SPAG16: variants seen among roughly 807,000 people sequenced by gnomAD.
SPAG16 encodes sperm associated antigen 16.
A neutral mutation model predicts 80.4 loss-of-function variants in SPAG16; 86 were observed. The ratio of observed to expected loss-of-function variants is 1.07; its 90% CI spans 0.90 to 1.28. SPAG16 has a LOEUF of 1.28. Among genes scored for constraint, SPAG16 ranks in the 50% most tolerant of loss-of-function variants. The probability of loss-of-function intolerance (pLI) is 0.00; values close to 1 mark genes in which losing one functional copy is unlikely to be tolerated. For missense variants in SPAG16, 870 were observed against 765.3 expected (o/e 1.14, Z -1.61); for synonymous variants, 294 against 265.9 (o/e 1.11, Z -1.03).
At chr2:213,467,128 T>C (rs940672629) in intron 9 of SPAG16, among the ~76,000 whole-genome samples, 1 of 152,104 alleles carries the variant, frequency 6.6e-6, no homozygotes, top group Non-Finnish European at 1.5e-5. Context: ...TATTGGGGTA[T>C]TACAAGGGCT....
chr2:213,721,245 C>A (rs1205302015), intron 10 of SPAG16, among the ~76,000 whole-genome samples: 4 of 151,994 alleles, frequency 2.6e-5, no homozygotes, highest in East Asian at 1.9e-4. Flanking sequence ...ATTAAAGGCA[C>A]CTGCCAACCC....
At chr2:214,068,573 A>G (rs1470551358) in intron 13 of SPAG16, among the ~76,000 whole-genome samples, 1 of 152,180 alleles carries the variant, frequency 6.6e-6, no homozygotes, top group Non-Finnish European at 1.5e-5. Flanking sequence ...ATAAAAATGT[A>G]AAAGAAAAAT....
chr2:213,771,360 T>G (rs2069236649), intron 10 of SPAG16, among the ~76,000 whole-genome samples: 1 of 152,152 alleles, frequency 6.6e-6, no homozygotes, highest in Non-Finnish European at 1.5e-5. Context: ...TAGACATTTA[T>G]CAAATGGTTA....
intron 13 of SPAG16, among the ~76,000 whole-genome samples, chr2:214,015,297 C>T (rs1343409000): frequency 6.6e-6 from 1 of 152,024 alleles, no homozygotes; most frequent in Non-Finnish European, 1.5e-5. Context: ...GTATTGAGGT[C>T]TTTTGAAAGG....
At chr2:213,503,073 A>G (rs1349292725) in intron 10 of SPAG16, among the ~76,000 whole-genome samples, 1 of 152,230 alleles carries the variant, frequency 6.6e-6, no homozygotes, top group Non-Finnish European at 1.5e-5. Flanking sequence ...TCTATATATC[A>G]TGAAAATTTA....
intron 15 of SPAG16, among the ~76,000 whole-genome samples, chr2:214,345,781 C>T (rs1433547678): frequency 1.3e-5 from 2 of 152,090 alleles, no homozygotes; most frequent in Non-Finnish European, 2.9e-5. Context: ...TAACAGGCCA[C>T]TATTATTGAA....
chr2:214,400,024 T>A (rs1181460903), intron 15 of SPAG16, among the ~76,000 whole-genome samples: 2 of 152,078 alleles, frequency 1.3e-5, no homozygotes, highest in Non-Finnish European at 2.9e-5. Context: ...TTAAATAGAT[T>A]CAATAATTAA....
intron 15 of SPAG16, among the ~76,000 whole-genome samples, chr2:214,386,411 A>G (rs145750469): frequency 1.4e-4 from 21 of 152,340 alleles, no homozygotes; most frequent in African/African-American, 5.1e-4. Context: ...GAGAAAAAAG[A>G]AAAAAGCAAA....
intron 11 of SPAG16, among the ~76,000 whole-genome samples, chr2:213,918,832 A>T (rs1163691944): frequency 6.6e-6 from 1 of 151,848 alleles, no homozygotes; most frequent in Admixed American, 6.6e-5. Flanking sequence ...CTGTGCAGGG[A>T]TTCATTTTTT....
At chr2:214,124,741 G>T (rs1306462144) in intron 14 of SPAG16, among the ~76,000 whole-genome samples, 1 of 151,758 alleles carries the variant, frequency 6.6e-6, no homozygotes, top group Non-Finnish European at 1.5e-5. Flanking sequence ...ACCACGGGCA[G>T]AACAAGAGAG....
chr2:213,451,128 C>T (rs2071661747), intron 9 of SPAG16, among the ~76,000 whole-genome samples: 1 of 147,138 alleles, frequency 6.8e-6, no homozygotes, highest in Admixed American at 6.6e-5. Context: ...AACAATTATC[C>T]ACATTGTGAA....
chr2:213,776,832 C>CG (rs919948853), intron 10 of SPAG16, among the ~76,000 whole-genome samples: 7 of 121,368 alleles, frequency 5.8e-5, no homozygotes, highest in African/African-American at 1.9e-4. Context: ...TGCCACCCCC[C>CG]CCCCACCCCA....
At chr2:214,241,888 A>AT (rs1395987113) in intron 15 of SPAG16, among the ~76,000 whole-genome samples, 1 of 124,422 alleles carries the variant, frequency 8.0e-6, no homozygotes, top group East Asian at 2.4e-4. Context: ...TGTAAGTTGT[A>AT]TAAAAAAAAA....
At chr2:214,327,085 G>C (rs1453925301) in intron 15 of SPAG16, among the ~76,000 whole-genome samples, 1 of 151,776 alleles carries the variant, frequency 6.6e-6, no homozygotes, top group Non-Finnish European at 1.5e-5. Context: ...ATAAGATTGT[G>C]AATATCTTTC....
intron 11 of SPAG16, among the ~76,000 whole-genome samples, chr2:213,903,746 T>G (rs1309609980): frequency 6.6e-6 from 1 of 152,204 alleles, no homozygotes; most frequent in Non-Finnish European, 1.5e-5. Context: ...TCTATCACAT[T>G]GTCATTTTTT....
rs544942849 is a variant in SPAG16, at chr2:214,003,797, T to C, written c.1401-10154T>C. Among the ~76,000 whole-genome samples, 20 of 152,306 alleles carry C rather than the reference T, an allele frequency of 1.3e-4. No homozygotes were observed. In the South Asian group the frequency reaches 3.9e-3, roughly 30 times the overall value. On this transcript the variant is annotated intron_variant, in intron 12 of 15. Transcript: ENST00000331683. ...ATGGACCACATAGACAACAGCACTA[T>C]CACTTGTGTGTGAACAAAGCTTACT...
intron 10 of SPAG16, among the ~76,000 whole-genome samples, chr2:213,678,813 T>C (rs1446995856): frequency 1.3e-5 from 2 of 152,292 alleles, no homozygotes; most frequent in Admixed American, 6.5e-5. Flanking sequence ...CAGCTTTACC[T>C]TACCAGAGAC....
chr2:213,742,915 T>A (rs545624080), intron 10 of SPAG16, among the ~76,000 whole-genome samples: 1 of 151,526 alleles, frequency 6.6e-6, no homozygotes, highest in Admixed American at 6.6e-5. Flanking sequence ...CGTATTGTTG[T>A]TTTTTTGAGA....
intron 12 of SPAG16, among the ~76,000 whole-genome samples, chr2:213,991,926 T>G (rs1156547564): frequency 6.6e-6 from 1 of 151,864 alleles, no homozygotes; most frequent in East Asian, 1.9e-4. Flanking sequence ...ACTGCTGTCA[T>G]GTAGTGGGTG....
Sources: allele counts gnomAD v4.1 joint callset (sites outside exome capture counted in the v4.1 genomes callset), GRCh38; gene constraint gnomAD v4.1.1; transcripts MANE v1.5; gene names NCBI Gene and HGNC (gene_info 2026-07-23, HGNC 2026-07-21).